MAP4K3: variants seen among roughly 807,000 people sequenced by gnomAD.
MAP4K3 encodes the protein mitogen-activated protein kinase kinase kinase kinase 3.
A neutral mutation model predicts 143.5 loss-of-function variants in MAP4K3; 94 were observed. The observed-to-expected ratio is 0.65, with a 90% CI of 0.55 to 0.78. The LOEUF (loss-of-function observed/expected upper bound fraction) is 0.78, where lower values mean the gene tolerates loss of function less well. MAP4K3 is among the 30% of genes least tolerant of loss of function. The pLI is 0.00. For missense variants in MAP4K3, 1,077 were observed against 1,068.1 expected (o/e 1.01, Z -0.12); for synonymous variants, 416 against 347.2 (o/e 1.20, Z -2.20).
intron 1 of MAP4K3, among the ~76,000 whole-genome samples, chr2:39,410,263 ATAGATTGG>A: frequency 6.6e-6 from 1 of 152,186 alleles, no homozygotes; most frequent in Non-Finnish European, 1.5e-5. Context: ...TGAACCCTTT[ATAGATTGG>A]CAGGACATAC....
intron 3 of MAP4K3, among the ~76,000 whole-genome samples, chr2:39,344,594 T>G (rs1466011575): frequency 6.6e-6 from 1 of 152,158 alleles, no homozygotes; most frequent in African/African-American, 2.4e-5. Flanking sequence ...CCTAAAATAT[T>G]TACTATGTAT....
chr2:39,288,040 A>G (rs1385108546), intron 20 of MAP4K3, 81 bp downstream of exon 20: 8 of 1,523,486 alleles, frequency 5.3e-6, no homozygotes, highest in Admixed American at 3.7e-5. Flanking sequence ...AGAATTTCAA[A>G]TAATCTCTTA....
At position 39,282,506 on chromosome 2, in the gene MAP4K3, T is replaced by C; in HGVS notation, c.1629+7A>G. The C allele has an allele frequency of 1.2e-6, 2 of 1,608,798 alleles. No homozygotes were observed. The highest frequency in any genetic ancestry group is 1.1e-5 in the South Asian group (1 of 90,334). Reference sequence around the variant, plus strand: ...GAAACTTAGCCTACTCCATATTTAGTACTTACATGCACTTTAGGTGTTGGA... The same window carrying C: ...GAAACTTAGCCTACTCCATATTTAGCACTTACATGCACTTTAGGTGTTGGA... On this transcript the variant is annotated splice_region_variant and intron_variant, in intron 22 of 33. Transcript: ENST00000263881.
At chr2:39,387,073 C>T (rs887780425) in intron 1 of MAP4K3, among the ~76,000 whole-genome samples, 4 of 152,150 alleles carry the variant, frequency 2.6e-5, no homozygotes, top group Non-Finnish European at 5.9e-5. Flanking sequence ...CTTGGCCTCC[C>T]AAAGTGCTGG....
chr2:39,434,760 A>T (rs1292757448), intron 1 of MAP4K3, among the ~76,000 whole-genome samples: 3 of 152,208 alleles, frequency 2.0e-5, no homozygotes, highest in African/African-American at 7.2e-5. Context: ...TCAACTGCAA[A>T]ATGGAGTTAA....
In MAP4K3 at chr2:39,325,533, A is replaced by G. The variant is rs768519707; in HGVS notation, c.903T>C (p.Asp301=). The change falls in exon 12 of 34, where the codon GAT becomes GAC. Residue 301 remains aspartate, a synonymous_variant. Coordinates refer to ENST00000263881, the MANE Select transcript of MAP4K3 (RefSeq NM_003618.4). ...NPDHSTYHDF[D]DDDPEPLVAV... ...CAATTCCTACCTCAGGATCATCATC[A>G]TCGAAATCATGGTAAGTGGAATGAT... The G allele has an allele frequency of 4.3e-6, 7 of 1,611,396 alleles. No individual in the cohort carries two copies. The highest frequency in any genetic ancestry group is 1.3e-5 in the African/African-American group (1 of 74,846).
At chr2:39,348,000 T>C (rs796626840) in intron 3 of MAP4K3, among the ~76,000 whole-genome samples, 73 of 152,150 alleles carry the variant, frequency 4.8e-4, no homozygotes, top group African/African-American at 1.7e-3. Flanking sequence ...TCAATACTCA[T>C]TGATAATGGA....
chr2:39,377,484 G>T (rs554427316), intron 2 of MAP4K3, among the ~76,000 whole-genome samples: 1 of 152,142 alleles, frequency 6.6e-6, no homozygotes, highest in African/African-American at 2.4e-5. Context: ...GGTTTTGAGG[G>T]AAGTAGGAGG....
At chr2:39,313,295 T>A (rs189410849) in intron 13 of MAP4K3, among the ~76,000 whole-genome samples, 1 of 152,268 alleles carries the variant, frequency 6.6e-6, no homozygotes, top group East Asian at 1.9e-4. Flanking sequence ...CGGGGGTTTA[T>A]TGTACAGATT....
At chr2:39,351,959 C>T (rs996053646) in intron 3 of MAP4K3, among the ~76,000 whole-genome samples, 4 of 152,216 alleles carry the variant, frequency 2.6e-5, no homozygotes, top group African/African-American at 7.2e-5. Context: ...GCATGAGCCA[C>T]CGCACCCAGC....
intron 31 of MAP4K3, among the ~76,000 whole-genome samples, chr2:39,254,721 T>C (rs1245473269): frequency 6.6e-6 from 1 of 152,150 alleles, no homozygotes; most frequent in Non-Finnish European, 1.5e-5. Context: ...AGGAAAAAAT[T>C]CACCGAAAAT....
At chr2:39,338,335 T>A (rs969610572) in intron 4 of MAP4K3, among the ~76,000 whole-genome samples, 6 of 152,228 alleles carry the variant, frequency 3.9e-5, no homozygotes, top group Non-Finnish European at 8.8e-5. Context: ...TTTAAATCAA[T>A]ACTTCTTATA....
At chr2:39,253,977 T>G (rs2148431059) in intron 32 of MAP4K3, among the ~76,000 whole-genome samples, 1 of 152,348 alleles carries the variant, frequency 6.6e-6, no homozygotes, top group African/African-American at 2.4e-5. Context: ...GGCAAAGAAT[T>G]ATATACATGT....
chr2:39,419,907 C>G (rs1303554396), intron 1 of MAP4K3, among the ~76,000 whole-genome samples: 1 of 152,132 alleles, frequency 6.6e-6, no homozygotes, highest in Admixed American at 6.5e-5. Flanking sequence ...GATGGTGGAG[C>G]ACAGGATGGG....
chr2:39,393,936 T>C (rs559733421), intron 1 of MAP4K3, among the ~76,000 whole-genome samples: 70 of 152,306 alleles, frequency 4.6e-4, no homozygotes, highest in African/African-American at 1.6e-3. Flanking sequence ...CAAGGGTCAG[T>C]TGTATATCTT....
At position 39,299,749 on chromosome 2, in the gene MAP4K3, G is replaced by T. The variant is rs1029900867; in HGVS notation, c.1172C>A (p.Ala391Glu). ...QGHQGGYFLG[A>E]NKSLLKSVEE... is the part of the protein sequence containing the mutation. ...TTAAAAGAACTTTACTTACTTGTTTGCACCTAAAAAGTAACCACCTTGGTG... is the reference window on the plus strand; with the variant it reads ...TTAAAAGAACTTTACTTACTTGTTTTCACCTAAAAAGTAACCACCTTGGTG... The change falls in exon 16 of 34, where the codon GCA becomes GAA. Residue 391 changes from alanine (A) to glutamate (E), a missense_variant. Around this residue, in one of 2 missense-constraint regions of MAP4K3, gnomAD observed 864 missense variants for 801.2 expected, o/e 1.08. Transcript: ENST00000263881. The T allele has an allele frequency of 5.1e-6, 8 of 1,560,000 alleles. No homozygotes were observed. The highest frequency in any genetic ancestry group is 5.2e-6 in the Non-Finnish European group (6 of 1,152,098).
At chr2:39,288,479 T>A (rs975083386) in intron 19 of MAP4K3, among the ~76,000 whole-genome samples, 199 bp from the exon 20 acceptor site, 1 of 152,212 alleles carries the variant, frequency 6.6e-6, no homozygotes, top group African/African-American at 2.4e-5. Flanking sequence ...CACTAAAATG[T>A]GTACATCTCA....
intron 8 of MAP4K3, among the ~76,000 whole-genome samples, chr2:39,327,777 A>T (rs748707802): frequency 2.3e-4 from 35 of 151,782 alleles, no homozygotes; most frequent in Non-Finnish European, 3.8e-4. Context: ...GATTCCAAGT[A>T]GCTGGTAGAA....
At chr2:39,303,306 T>A (rs1682578916) in intron 15 of MAP4K3, among the ~76,000 whole-genome samples, 1 of 152,210 alleles carries the variant, frequency 6.6e-6, no homozygotes, top group Admixed American at 6.5e-5. Context: ...TTCAAATATT[T>A]TTTATTTCTT....
Sources: gnomAD v4.1 joint callset for allele counts (sites outside exome capture counted in the v4.1 genomes callset) on GRCh38, gnomAD v4.1.1 for gene constraint, gnomAD v4.1.1 regional missense constraint, MANE v1.5 for transcripts, NCBI Gene and HGNC (gene_info 2026-07-23, HGNC 2026-07-21) for gene names.